ROBO1: variants seen among roughly 807,000 people sequenced by gnomAD.
ROBO1 encodes roundabout guidance receptor 1.
A neutral mutation model predicts 195.9 loss-of-function variants in ROBO1; 149 were observed. The observed-to-expected ratio is 0.76, with a 90% CI of 0.67 to 0.87. The LOEUF is 0.87. ROBO1 is among the 40% of genes least tolerant of loss of function. ROBO1 has a pLI of 0.00. For synonymous variants in ROBO1, 816 were observed against 733.2 expected, an observed-to-expected ratio of 1.11 and a Z score of -1.82; for missense variants, 1,933 against 2,068.3, an observed-to-expected ratio of 0.93 and a Z score of 1.27.
intron 2 of ROBO1, among the ~76,000 whole-genome samples, chr3:79,585,314 A>G (rs943383706): frequency 6.6e-6 from 1 of 151,994 alleles, no homozygotes; most frequent in Non-Finnish European, 1.5e-5. Context: ...TTTAGGGGGA[A>G]TTGTACCCAC....
At chr3:79,259,732 T>G (rs1181993528) in intron 2 of ROBO1, among the ~76,000 whole-genome samples, 5 of 152,108 alleles carry the variant, frequency 3.3e-5, no homozygotes, top group Non-Finnish European at 7.4e-5. Flanking sequence ...AGAAAAAATC[T>G]AATAATTCCA....
intron 2 of ROBO1, among the ~76,000 whole-genome samples, chr3:79,457,430 G>A (rs116839667): frequency 1.9e-3 from 295 of 151,668 alleles, no homozygotes; most frequent in African/African-American, 5.0e-3. Flanking sequence ...GGAGTGCATC[G>A]CTGAGTCATT....
intron 4 of ROBO1, among the ~76,000 whole-genome samples, chr3:78,763,318 C>T (rs2108379259): frequency 6.6e-6 from 1 of 152,116 alleles, no homozygotes; most frequent in East Asian, 1.9e-4. Flanking sequence ...AACTACTGAA[C>T]ACATTTATAG....
At chr3:78,987,531 G>A (rs2077138241) in intron 3 of ROBO1, among the ~76,000 whole-genome samples, 1 of 152,016 alleles carries the variant, frequency 6.6e-6, no homozygotes, top group Non-Finnish European at 1.5e-5. Context: ...AAGTGAGGAG[G>A]GATACTGTTA....
At chr3:78,846,023 C>A (rs1288279414) in intron 4 of ROBO1, among the ~76,000 whole-genome samples, 2 of 152,094 alleles carry the variant, frequency 1.3e-5, no homozygotes, top group Non-Finnish European at 2.9e-5. Context: ...TTCAAGTACA[C>A]ATAGAAATTA....
intron 1 of ROBO1, among the ~76,000 whole-genome samples, chr3:79,662,049 A>G (rs1482864359): frequency 6.6e-6 from 1 of 152,032 alleles, no homozygotes. Context: ...CAGGTTTTCT[A>G]TGATAATACT....
At chr3:79,302,261 T>C (rs2032997835) in intron 2 of ROBO1, among the ~76,000 whole-genome samples, 1 of 152,234 alleles carries the variant, frequency 6.6e-6, no homozygotes, top group South Asian at 2.1e-4. Flanking sequence ...ATATGGTTCC[T>C]TAAGTCAAAG....
chr3:78,862,054 A>G (rs79293674), intron 4 of ROBO1, among the ~76,000 whole-genome samples: 3,114 of 152,284 alleles, frequency 0.02, 93 homozygotes, highest in African/African-American at 0.07. Context: ...GATGTAGTTA[A>G]GGTTACCGAA....
At chr3:79,765,110 T>C (rs1704913996) in intron 1 of ROBO1, among the ~76,000 whole-genome samples, 2 of 152,226 alleles carry the variant, frequency 1.3e-5, no homozygotes, top group Admixed American at 6.5e-5. Flanking sequence ...ACAGCTGTTT[T>C]CTGAAGCAAG....
chr3:79,186,935 C>A (rs1559721504), intron 2 of ROBO1, among the ~76,000 whole-genome samples: 1 of 152,014 alleles, frequency 6.6e-6, no homozygotes, highest in Non-Finnish European at 1.5e-5. Flanking sequence ...TCTGGGAAAG[C>A]TTTACTGCAG....
Position 78,986,146 on chromosome 3 carries a change from C to A in ROBO1, c.173-47219G>T, listed in dbSNP as rs576753971. On this transcript the variant is annotated intron_variant, in intron 3 of 30. Transcript: ENST00000464233. ...ACGGGAAGGTCCAAGAAAATGAGAA[C>A]CCAGATGATACATTTGCTTTGAGCC... Among the ~76,000 whole-genome samples the A allele has an allele frequency of 5.3e-5, 8 of 152,222 alleles. No homozygotes were observed. In the East Asian group the frequency reaches 9.7e-4, roughly 18 times the overall value.
intron 5 of ROBO1, among the ~76,000 whole-genome samples, chr3:78,737,893 C>T (rs1236379845): frequency 1.3e-5 from 2 of 152,154 alleles, no homozygotes; most frequent in African/African-American, 2.4e-5. Flanking sequence ...GTTTACTACT[C>T]AGGTTTCCTT....
chr3:79,254,311 C>T (rs1044425575), intron 2 of ROBO1, among the ~76,000 whole-genome samples: 2 of 151,898 alleles, frequency 1.3e-5, no homozygotes, highest in South Asian at 2.1e-4. Context: ...TAGGAACTTA[C>T]GTGTCTCTTT....
chr3:78,956,482 T>C (rs773531954), intron 3 of ROBO1, among the ~76,000 whole-genome samples: 5 of 152,210 alleles, frequency 3.3e-5, no homozygotes, highest in African/African-American at 4.8e-5. Context: ...ACCAGTTTTG[T>C]TGAAATATCT....
intron 2 of ROBO1, among the ~76,000 whole-genome samples, chr3:79,166,664 C>A (rs1325447134): frequency 6.6e-6 from 1 of 150,950 alleles, no homozygotes; most frequent in African/African-American, 2.4e-5. Flanking sequence ...CTCCCGGGTT[C>A]GCGCCATTCT....
At chr3:79,625,423 G>GAAGAA (rs1945137744) in intron 1 of ROBO1, among the ~76,000 whole-genome samples, 1 of 13,876 alleles carries the variant, frequency 7.2e-5, no homozygotes, top group Non-Finnish European at 1.3e-4. Context: ...TGTTTTTTTT[G>GAAGAA]AAAAAAAAAA....
intron 3 of ROBO1, among the ~76,000 whole-genome samples, chr3:79,051,078 T>C (rs894117237): frequency 6.6e-6 from 1 of 151,540 alleles, no homozygotes; most frequent in Non-Finnish European, 1.5e-5. Flanking sequence ...CTGAAGGAGA[T>C]AGAGACACAA....
intron 2 of ROBO1, among the ~76,000 whole-genome samples, chr3:79,251,734 A>G (rs2082733181): frequency 1.3e-5 from 2 of 152,116 alleles, no homozygotes; most frequent in Non-Finnish European, 2.9e-5. Flanking sequence ...TGGGTGACAG[A>G]GCGATAATCT....
At chr3:79,275,018 G>C (rs532278214) in intron 2 of ROBO1, among the ~76,000 whole-genome samples, 113 of 152,008 alleles carry the variant, frequency 7.4e-4, no homozygotes, top group African/African-American at 2.7e-3. Context: ...GAAATGCTCA[G>C]GACCCAGTAG....
Sources: allele counts gnomAD v4.1 joint callset (sites outside exome capture counted in the v4.1 genomes callset), GRCh38; gene constraint gnomAD v4.1.1; transcripts MANE v1.5; gene names NCBI Gene and HGNC (gene_info 2026-07-23, HGNC 2026-07-21).